Variants in FSTL4 observed in about 807,000 individuals in gnomAD.
FSTL4 encodes follistatin-related protein 4.
In FSTL4, 28 loss-of-function variants were observed where a neutral mutation model predicts 78.2. That is an observed-to-expected ratio of 0.36 (90% CI 0.27 to 0.49). FSTL4 has a LOEUF of 0.49. FSTL4 is among the 20% of genes least tolerant of loss of function. The probability of loss-of-function intolerance (pLI) is 0.98; values close to 1 mark genes in which losing one functional copy is unlikely to be tolerated. For synonymous variants in FSTL4, 422 were observed against 440.5 expected, an observed-to-expected ratio of 0.96 and a Z score of 0.53; for missense variants, 922 against 1,084.9, an observed-to-expected ratio of 0.85 and a Z score of 2.11.
intron 3 of FSTL4, among the ~76,000 whole-genome samples, chr5:133,423,997 C>CGCTGTGT (rs968170929): frequency 2.6e-5 from 4 of 152,156 alleles, no homozygotes; most frequent in African/African-American, 9.7e-5. Context: ...CACCAGGTGT[C>CGCTGTGT]GCTGTGTGCA....
chr5:133,384,238 C>T (rs992508118), intron 4 of FSTL4, among the ~76,000 whole-genome samples: 1 of 152,194 alleles, frequency 6.6e-6, no homozygotes, highest in Non-Finnish European at 1.5e-5. Context: ...TAGTCCAGGA[C>T]AGGGACTGAG....
At chr5:133,438,417 T>C (rs1489746268) in intron 3 of FSTL4, among the ~76,000 whole-genome samples, 3 of 152,212 alleles carry the variant, frequency 2.0e-5, no homozygotes, top group Non-Finnish European at 2.9e-5. Flanking sequence ...GCAGATGGTA[T>C]TGGTTGGAAG....
chr5:133,734,050 A>G, the FSTL4 span, among the ~76,000 whole-genome samples: 1 of 152,240 alleles, frequency 6.6e-6, no homozygotes, highest in East Asian at 1.9e-4. Flanking sequence ...AGTGTCTTCT[A>G]TATCCTAGCC....
intron 3 of FSTL4, among the ~76,000 whole-genome samples, chr5:133,499,637 T>C (rs953815154): frequency 2.0e-5 from 3 of 152,154 alleles, no homozygotes; most frequent in Admixed American, 6.5e-5. Flanking sequence ...CACTCTTACA[T>C]GATTTTCAAT....
intron 1 of FSTL4, among the ~76,000 whole-genome samples, chr5:133,610,675 A>AC (rs1292638871): frequency 6.6e-6 from 1 of 151,944 alleles, no homozygotes; most frequent in African/African-American, 2.4e-5. Flanking sequence ...TCCCAGGTGG[A>AC]CCCCCCGCCA....
the FSTL4 span, among the ~76,000 whole-genome samples, chr5:133,840,170 G>A: frequency 6.6e-6 from 1 of 152,218 alleles, no homozygotes; most frequent in African/African-American, 2.4e-5. Flanking sequence ...ATTTAGTTGT[G>A]CTTCCAGTTG....
intron 4 of FSTL4, among the ~76,000 whole-genome samples, chr5:133,352,341 T>TATAC (rs1446891575): frequency 1.0e-5 from 1 of 97,596 alleles, no homozygotes; most frequent in African/African-American, 4.2e-5. Context: ...CATATATATA[T>TATAC]ACACATATAT....
intron 13 of FSTL4, among the ~76,000 whole-genome samples, chr5:133,213,279 A>G (rs995802590): frequency 2.6e-5 from 4 of 152,138 alleles, no homozygotes; most frequent in African/African-American, 9.7e-5. Context: ...CTGGGATTAC[A>G]GGCATGAGCC....
chr5:133,437,757 C>T (rs561238619), intron 3 of FSTL4, among the ~76,000 whole-genome samples: 13 of 151,246 alleles, frequency 8.6e-5, no homozygotes, highest in African/African-American at 2.9e-4. Context: ...TCCCAAAGTG[C>T]TGGGATTACA....
At chr5:133,753,683 CTG>C in the FSTL4 span, among the ~76,000 whole-genome samples, 2,839 of 120,568 alleles carry the variant, frequency 0.024, 68 homozygotes, top group African/African-American at 0.068. Context: ...CACATTTGTT[CTG>C]TGTGTGTGTG....
intron 3 of FSTL4, among the ~76,000 whole-genome samples, chr5:133,485,182 G>A (rs1758107090): frequency 6.6e-6 from 1 of 152,182 alleles, no homozygotes; most frequent in South Asian, 2.1e-4. Context: ...TTCTTTCAAT[G>A]GCCACAAAGA....
chr5:133,687,932 G>A, the FSTL4 span, among the ~76,000 whole-genome samples: 1 of 152,284 alleles, frequency 6.6e-6, no homozygotes, highest in East Asian at 1.9e-4. Flanking sequence ...GGTCCCAGAT[G>A]GCTCACCCCC....
chr5:133,681,566 GA>G, the FSTL4 span, among the ~76,000 whole-genome samples: 2 of 151,314 alleles, frequency 1.3e-5, no homozygotes, highest in Admixed American at 6.6e-5. Flanking sequence ...TCTCACTGAG[GA>G]AAAAGAAAAA....
At position 133,233,940 on chromosome 5, in the gene FSTL4, C is replaced by T. The variant is rs115557850; in HGVS notation, c.895-403G>A. 1.5e-3 allele frequency among the ~76,000 whole-genome samples: 229 copies of T among 152,202 alleles called. 1 individual carries two copies. Among genetic ancestry groups the T allele is most frequent in the African/African-American group, 5.2e-3 (217 of 41,518 alleles). ...TCCGGAGGCCAGGCCTTGTTTAGAGCGGGGGTTAGCTGACTTTCTTAAGGG... is the reference window on the plus strand; with the variant it reads ...TCCGGAGGCCAGGCCTTGTTTAGAGTGGGGGTTAGCTGACTTTCTTAAGGG... On this transcript the variant is annotated intron_variant, in intron 7 of 15. Coordinates refer to ENST00000265342, the MANE Select transcript of FSTL4 (RefSeq NM_015082.2).
the FSTL4 span, among the ~76,000 whole-genome samples, chr5:133,814,127 A>G: frequency 1.3e-5 from 2 of 152,152 alleles, no homozygotes; most frequent in African/African-American, 4.8e-5. Flanking sequence ...TGACACTAAT[A>G]CTTCTCAGGC....
At chr5:133,638,966 ATTTAT>A in the FSTL4 span, among the ~76,000 whole-genome samples, 1 of 151,056 alleles carries the variant, frequency 6.6e-6, no homozygotes. Context: ...AACTTTTATT[ATTTAT>A]TTTATTTTTT....
At chr5:133,524,487 G>T (rs1265340668) in intron 3 of FSTL4, among the ~76,000 whole-genome samples, 1 of 152,130 alleles carries the variant, frequency 6.6e-6, no homozygotes, top group Non-Finnish European at 1.5e-5. Flanking sequence ...CACACCATTT[G>T]CCCGTGTGTC....
At chr5:133,562,386 A>G (rs1437486254) in intron 3 of FSTL4, among the ~76,000 whole-genome samples, 1 of 152,216 alleles carries the variant, frequency 6.6e-6, no homozygotes, top group East Asian at 1.9e-4. Context: ...GCAGAGAACT[A>G]TAAAGGGGCT....
intron 3 of FSTL4, among the ~76,000 whole-genome samples, chr5:133,491,764 C>T (rs1451423176): frequency 6.6e-6 from 1 of 151,992 alleles, no homozygotes; most frequent in Non-Finnish European, 1.5e-5. Context: ...AAATTTTGTG[C>T]CATTATATTT....
Sources: gnomAD v4.1 joint callset for allele counts (sites outside exome capture counted in the v4.1 genomes callset) on GRCh38, gnomAD v4.1.1 for gene constraint, MANE v1.5 for transcripts, NCBI Gene and HGNC (gene_info 2026-07-23, HGNC 2026-07-21) for gene names.